Variants in SHC3 observed in about 807,000 individuals in gnomAD.
SHC3 encodes SHC-transforming protein 3.
Under a neutral mutation model 60.4 loss-of-function variants are expected in SHC3, and 15 were observed. The observed-to-expected ratio is 0.25, with a 90% CI of 0.17 to 0.38. SHC3 has a LOEUF of 0.38. Ranked by LOEUF, SHC3 falls within the 10% of genes least tolerant of loss-of-function variation. The pLI is 1.00. For missense variants in SHC3, 677 were observed against 786.1 expected (o/e 0.86, Z 1.66); for synonymous variants, 294 against 325.9 (o/e 0.90, Z 1.05).
At chr9:89,077,964 A>T in intron 2 of SHC3, 61 bp from the exon 3 acceptor site, 1 of 1,576,698 alleles carries the variant, frequency 6.3e-7, no homozygotes, top group African/African-American at 1.3e-5. Context: ...GAACCCAGAG[A>T]TGCTACACTT....
intron 2 of SHC3, among the ~76,000 whole-genome samples, chr9:89,101,051 G>C (rs1435876162): frequency 6.6e-6 from 1 of 152,056 alleles, no homozygotes; most frequent in Non-Finnish European, 1.5e-5. Context: ...CTATGAACAC[G>C]GTATATCTGT....
chr9:89,072,783 T>C (rs1825295419), intron 4 of SHC3, among the ~76,000 whole-genome samples: 1 of 152,220 alleles, frequency 6.6e-6, no homozygotes, highest in African/African-American at 2.4e-5. Context: ...CCTTGGGCCC[T>C]TGTCCTCGGG....
At chr9:89,035,830 A>AATATATATATATATATATATAT (rs1185604208) in intron 11 of SHC3, among the ~76,000 whole-genome samples, 9 of 106,428 alleles carry the variant, frequency 8.5e-5, no homozygotes, top group Non-Finnish European at 1.2e-4. Context: ...AAACAAACAA[A>AATATATATATATATATATATAT]ATATATATAT....
intron 6 of SHC3, among the ~76,000 whole-genome samples, chr9:89,062,167 A>G (rs1036344023): frequency 2.6e-5 from 4 of 152,212 alleles, no homozygotes; most frequent in African/African-American, 9.7e-5. Context: ...TCTAATATAT[A>G]CATAAGGTTG....
At chr9:89,023,768 A>T (rs1420520722) in intron 11 of SHC3, among the ~76,000 whole-genome samples, 1 of 152,242 alleles carries the variant, frequency 6.6e-6, no homozygotes, top group Non-Finnish European at 1.5e-5. Context: ...ACAAGTCATC[A>T]GTTCAAATCC....
At chr9:89,068,512 T>C (rs545044282) in intron 5 of SHC3, among the ~76,000 whole-genome samples, 1 of 152,348 alleles carries the variant, frequency 6.6e-6, no homozygotes, top group East Asian at 1.9e-4. Context: ...TGTAATCTCA[T>C]GCACAATATA....
chr9:89,048,111 G>A (rs1042935735), intron 7 of SHC3, among the ~76,000 whole-genome samples: 1 of 152,022 alleles, frequency 6.6e-6, no homozygotes, highest in African/African-American at 2.4e-5. Flanking sequence ...AGGCGTGGTG[G>A]CACACACCTG....
rs561813981 is a variant in SHC3, at chr9:89,007,466, C to G, written c.*5981G>C. The stretch of plus-strand genomic sequence containing the variant: ...AGGCAGAGGCCTCATACATTCACTT[C>G]TCTATCCCACCATCCCAGTACAGGG... On this transcript the variant is annotated 3_prime_UTR_variant, in exon 12 of 12. Coordinates refer to ENST00000375835, the MANE Select transcript of SHC3 (RefSeq NM_016848.6). 6.6e-6 allele frequency: 1 copy of G among 152,412 alleles called. No homozygotes were observed. The highest frequency in any genetic ancestry group is 2.1e-4 in the South Asian group (1 of 4,828). 9.4% of individuals were successfully genotyped at this position (152,412 alleles called of 1,614,324 possible). A position where few individuals can be genotyped will look rare whatever the true frequency, so the allele number is the denominator to read the frequency against.
chr9:89,066,976 C>A (rs572397269), intron 5 of SHC3, among the ~76,000 whole-genome samples: 1 of 152,196 alleles, frequency 6.6e-6, no homozygotes, highest in Non-Finnish European at 1.5e-5. Context: ...CAAGACCACA[C>A]CAGTGTAGCA....
In SHC3 at chr9:89,041,999, G is replaced by C. The variant is rs370680094; in HGVS notation, c.1360+27C>G. 4.3e-6 allele frequency: 7 copies of C among 1,612,940 alleles called. No homozygotes were observed. The African/African-American group carries it at 9.4e-5, about 22-fold the overall frequency. ...GATAAAAAGCAACCTCAAAAGAAAA[G>C]AAAACCAGAGACAAACAGAAACCCA... On this transcript the variant is annotated intron_variant, in intron 10 of 11. Transcript: ENST00000375835.
At chr9:89,078,373 C>T (rs1338338860) in intron 2 of SHC3, among the ~76,000 whole-genome samples, 5 of 152,156 alleles carry the variant, frequency 3.3e-5, no homozygotes, top group East Asian at 3.8e-4. Flanking sequence ...ATGGTCATCC[C>T]GAGTTTTATT....
chr9:89,161,568 G>C (rs9410465), intron 1 of SHC3, among the ~76,000 whole-genome samples: 1 of 152,074 alleles, frequency 6.6e-6, no homozygotes, highest in Non-Finnish European at 1.5e-5. Flanking sequence ...GTCAGCTCAG[G>C]CTGCCATAAC....
rs78120493 is a variant in SHC3, at chr9:89,064,252, A to G, written c.835+1277T>C. ...TGGGGGTGACGTGAATATTCAGTCC[A>G]TAAGAGGGCCCCTGTGTTGGTGGTG... On this transcript the variant is annotated intron_variant, in intron 6 of 11. Coordinates refer to ENST00000375835, the MANE Select transcript of SHC3 (RefSeq NM_016848.6). Among the ~76,000 whole-genome samples, 1,140 of 152,336 alleles carry G rather than the reference A, an allele frequency of 7.5e-3. 15 individuals carry two copies. The highest frequency in any genetic ancestry group is 0.026 in the African/African-American group (1,084 of 41,558).
At position 89,127,215 on chromosome 9, in the gene SHC3, T is replaced by A. The variant is rs1360478341; in HGVS notation, c.475-14589A>T. On this transcript the variant is annotated intron_variant, in intron 1 of 11. Coordinates refer to ENST00000375835, the MANE Select transcript of SHC3 (RefSeq NM_016848.6). ...TATCTGTGTGACCTTTGTCATTTTT[T>A]AAATTCTCTTCCCCTCCATGATGAA... 2.6e-5 allele frequency among the ~76,000 whole-genome samples: 4 copies of A among 152,168 alleles called. No individual in the cohort carries two copies. In the East Asian group the frequency reaches 5.8e-4, roughly 22 times the overall value.
intron 2 of SHC3, chr9:89,110,562 G>T: frequency 1.4e-6 from 1 of 703,552 alleles, no homozygotes; most frequent in Non-Finnish European, 1.7e-6. Context: ...GATGCAAAGT[G>T]CTTCATTCTG....
chr9:89,160,143 T>C (rs1419938348), intron 1 of SHC3, among the ~76,000 whole-genome samples: 1 of 152,194 alleles, frequency 6.6e-6, no homozygotes, highest in African/African-American at 2.4e-5. Flanking sequence ...TACAGACAAA[T>C]GACAGCTGAT....
chr9:89,037,815 C>T (rs1369289161), intron 11 of SHC3, among the ~76,000 whole-genome samples, 178 bp downstream of exon 11: 3 of 152,220 alleles, frequency 2.0e-5, no homozygotes, highest in Non-Finnish European at 4.4e-5. Context: ...ACCACTGGCT[C>T]CTGGCTCCTG....
intron 11 of SHC3, among the ~76,000 whole-genome samples, chr9:89,032,816 T>G (rs907022243): frequency 6.6e-6 from 1 of 152,182 alleles, no homozygotes; most frequent in African/African-American, 2.4e-5. Context: ...GTTTCCCCCT[T>G]TATAGTCAGG....
intron 2 of SHC3, chr9:89,089,059 T>C (rs1232810508): frequency 6.6e-6 from 1 of 152,270 alleles, no homozygotes; most frequent in Non-Finnish European, 1.5e-5. Context: ...TGCTATCGAC[T>C]CGGTGGCACT....
Sources: allele counts gnomAD v4.1 joint callset (sites outside exome capture counted in the v4.1 genomes callset), GRCh38; gene constraint gnomAD v4.1.1; transcripts MANE v1.5; gene names NCBI Gene and HGNC (gene_info 2026-07-23, HGNC 2026-07-21).